The following RAB7A variants were observed in gnomAD, a reference collection of about 807,000 sequenced individuals.
The protein encoded by RAB7A is ras-related protein Rab-7a.
Under a neutral mutation model 24.5 loss-of-function variants are expected in RAB7A, and 2 were observed. The observed-to-expected ratio is 0.08, with a 90% confidence interval of 0.03 to 0.26. The LOEUF (loss-of-function observed/expected upper bound fraction) is 0.26, where lower values mean the gene tolerates loss of function less well. RAB7A is among the 10% of genes least tolerant of loss of function. The pLI is 1.00. For missense variants in RAB7A, 118 were observed against 255.7 expected (o/e 0.46, Z 3.67); for synonymous variants, 100 against 95.9 (o/e 1.04, Z -0.25).
rs774054837 is a variant in RAB7A at position 128,813,605 on chromosome 3, A to G, written c.*183A>G. On this transcript the variant is annotated 3_prime_UTR_variant, in exon 6 of 6. Transcript: ENST00000265062. ...ATCTCTCACACACACACACACACGC[A>G]CACACACACACACAGATCTGACGTA... is the stretch of plus-strand genomic sequence containing the variant. 0.054 allele frequency: 24,984 copies of G among 465,078 alleles called. 437 individuals carry two copies. The highest frequency in any genetic ancestry group is 0.11 in the Middle Eastern group (341 of 3,176). 28.8% of individuals were successfully genotyped at this position (465,078 alleles called of 1,614,324 possible).
chr3:128,803,279 A>G (rs1933736562), intron 3 of RAB7A, among the ~76,000 whole-genome samples: 1 of 152,198 alleles, frequency 6.6e-6, no homozygotes, highest in Non-Finnish European at 1.5e-5. Context: ...AAATCATAAA[A>G]TGTTGAAGAT....
intron 1 of RAB7A, among the ~76,000 whole-genome samples, chr3:128,783,660 T>C (rs969766965): frequency 6.6e-6 from 1 of 152,174 alleles, no homozygotes. Context: ...AACTGTCTCA[T>C]TGGCCTGCCA....
intron 1 of RAB7A, among the ~76,000 whole-genome samples, chr3:128,763,563 T>C (rs1226539012): frequency 1.3e-5 from 2 of 152,156 alleles, no homozygotes; most frequent in African/African-American, 2.4e-5. Context: ...AACCTTTTAA[T>C]GTCTGATTGT....
rs565849348 is a variant in RAB7A at position 128,813,696 on chromosome 3, G to A, written c.*274G>A. ...TGCCTGCCCACCCACATGAGCCCGC[G>A]AGTATGGCAGCAGGACAAGCCAGCG... On this transcript the variant is annotated 3_prime_UTR_variant, in exon 6 of 6. Coordinates refer to ENST00000265062, the MANE Select transcript of RAB7A (RefSeq NM_004637.6). The A allele has an allele frequency of 7.9e-4, 397 of 499,538 alleles. 2 individuals are homozygous for A. Among genetic ancestry groups the A allele is most frequent in the Non-Finnish European group, 1.3e-3 (340 of 269,380 alleles). 30.9% of individuals were successfully genotyped at this position (499,538 alleles called of 1,614,324 possible). A position where few individuals can be genotyped will look rare whatever the true frequency, so the allele number is the denominator to read the frequency against.
At chr3:128,780,416 G>A (rs1021183905) in intron 1 of RAB7A, among the ~76,000 whole-genome samples, 1 of 152,168 alleles carries the variant, frequency 6.6e-6, no homozygotes, top group Admixed American at 6.5e-5. Context: ...TTGTGAAGTA[G>A]CTAGTTGAAT....
At chr3:128,809,400 C>A (rs1933871295) in intron 5 of RAB7A, among the ~76,000 whole-genome samples, 1 of 152,198 alleles carries the variant, frequency 6.6e-6, no homozygotes, top group Non-Finnish European at 1.5e-5. Context: ...ACCATCGTGA[C>A]TACTGGTCCC....
chr3:128,783,564 A>G (rs1933267778), intron 1 of RAB7A, among the ~76,000 whole-genome samples: 1 of 151,922 alleles, frequency 6.6e-6, no homozygotes, highest in Admixed American at 6.6e-5. Context: ...TAGACTAGAT[A>G]TCTCCCTCAC....
intron 1 of RAB7A, among the ~76,000 whole-genome samples, chr3:128,788,064 A>G (rs62272594): frequency 0.048 from 7,348 of 152,298 alleles, 313 homozygotes; most frequent in South Asian, 0.13. Flanking sequence ...AGCTTGTGCT[A>G]TCCCACCCAG....
chr3:128,808,466 G>T (rs1336079032), intron 5 of RAB7A, among the ~76,000 whole-genome samples: 1 of 152,200 alleles, frequency 6.6e-6, no homozygotes, highest in African/African-American at 2.4e-5. Context: ...GATTAAATGA[G>T]ACAGACTCTT....
rs199733093 is a variant in RAB7A, at chr3:128,764,368, CACAACTTATA to C, written c.-8-30991_-8-30982del. ...CGAAGAACTTAAGTGGATGTTTTGGCACAACTTATAGAAAAGGTAAAGGAAATCCCAACAT... is the reference window on the plus strand; with the variant it reads ...CGAAGAACTTAAGTGGATGTTTTGGCGAAAAGGTAAAGGAAATCCCAACAT... On this transcript the variant is annotated intron_variant, in intron 1 of 5. Coordinates refer to ENST00000265062, the MANE Select transcript of RAB7A (RefSeq NM_004637.6). 2.9e-4 allele frequency: 186 copies of C among 636,350 alleles called. No individual in the cohort carries two copies. The East Asian group carries it at 4.8e-3, about 17-fold the overall frequency. 39.4% of individuals were successfully genotyped at this position (636,350 alleles called of 1,614,324 possible).
chr3:128,789,029 A>G (rs1325911697), intron 1 of RAB7A, among the ~76,000 whole-genome samples: 1 of 152,190 alleles, frequency 6.6e-6, no homozygotes, highest in Non-Finnish European at 1.5e-5. Context: ...TGGTACCAAT[A>G]CTGGTAGTTT....
chr3:128,789,947 C>T (rs1410276462), intron 1 of RAB7A, among the ~76,000 whole-genome samples: 1 of 152,032 alleles, frequency 6.6e-6, no homozygotes, highest in Admixed American at 6.5e-5. Flanking sequence ...CGTGCCACCA[C>T]GCGCAGCTTA....
rs138724027 is a variant in RAB7A at position 128,812,326 on chromosome 3, G to T, written c.529-1001G>T. Among the ~76,000 whole-genome samples the T allele has an allele frequency of 1.1e-4, 16 of 152,260 alleles. 1 individual carries two copies. The highest frequency in any genetic ancestry group is 3.3e-4 in the Admixed American group (5 of 15,298). On this transcript the variant is annotated intron_variant, in intron 5 of 5. Coordinates refer to ENST00000265062, the MANE Select transcript of RAB7A (RefSeq NM_004637.6). ...GACGGGGTTTCACCATGTTCGCCAG[G>T]CTGGTCTTGAACTCCTGACTTCAGG...
At chr3:128,766,651 T>C (rs551775729) in intron 1 of RAB7A, among the ~76,000 whole-genome samples, 1 of 152,050 alleles carries the variant, frequency 6.6e-6, no homozygotes, top group Non-Finnish European at 1.5e-5. Context: ...GTTTATTTTT[T>C]GTAGAGATGG....
chr3:128,769,996 T>C (rs1477566468), intron 1 of RAB7A, among the ~76,000 whole-genome samples: 2 of 151,904 alleles, frequency 1.3e-5, no homozygotes, highest in East Asian at 3.9e-4. Flanking sequence ...TTTTCTTTTT[T>C]CCTTTTTTCT....
chr3:128,742,495 A>G (rs575819410), intron 1 of RAB7A, among the ~76,000 whole-genome samples: 1 of 152,226 alleles, frequency 6.6e-6, no homozygotes, highest in African/African-American at 2.4e-5. Flanking sequence ...GTCTGTTTTG[A>G]CAGGATGCTG....
intron 1 of RAB7A, among the ~76,000 whole-genome samples, chr3:128,780,621 G>T (rs1933197739): frequency 1.3e-5 from 2 of 152,216 alleles, no homozygotes; most frequent in Admixed American, 1.3e-4. Flanking sequence ...ACTGGATTTG[G>T]TGTGTTTACC....
intron 1 of RAB7A, among the ~76,000 whole-genome samples, chr3:128,738,665 A>G (rs955884883): frequency 2.6e-5 from 4 of 152,194 alleles, no homozygotes; most frequent in African/African-American, 4.8e-5. Context: ...TGGATTTTGT[A>G]TATGTATCTT....
At chr3:128,787,976 A>T (rs960497446) in intron 1 of RAB7A, among the ~76,000 whole-genome samples, 1 of 152,212 alleles carries the variant, frequency 6.6e-6, no homozygotes, top group African/African-American at 2.4e-5. Context: ...AGCCTCCCAG[A>T]GTTCTGGGAT....
Sources: gnomAD v4.1 joint callset for allele counts (sites outside exome capture counted in the v4.1 genomes callset) on GRCh38, gnomAD v4.1.1 for gene constraint, MANE v1.5 for transcripts, NCBI Gene and HGNC (gene_info 2026-07-23, HGNC 2026-07-21) for gene names.